MID1: variants seen among roughly 807,000 people sequenced by gnomAD.
The protein encoded by MID1 is E3 ubiquitin-protein ligase Midline-1.
In MID1, 7 loss-of-function variants were observed where a neutral mutation model predicts 40.4. The ratio of observed to expected loss-of-function variants is 0.17; its 90% CI spans 0.10 to 0.33. MID1 has a LOEUF of 0.33. Ranked by LOEUF, MID1 falls within the 10% of genes least tolerant of loss-of-function variation. The pLI, the probability that MID1 is intolerant of heterozygous loss-of-function variation, is 1.00. For missense variants in MID1, 367 were observed against 558.5 expected, an observed-to-expected ratio of 0.66 and a Z score of 3.46; for synonymous variants, 229 against 221.2, an observed-to-expected ratio of 1.04 and a Z score of -0.31.
At chrX:10,557,702 CA>C (rs35191558) in intron 2 of MID1, among the ~76,000 whole-genome samples, 1 of 112,114 alleles carries the variant, frequency 8.9e-6, no homozygotes, top group South Asian at 3.7e-4. Flanking sequence ...TATTGTGAAT[CA>C]AAAAGCCAGA....
In MID1 at chrX:10,755,722, A is replaced by T. The variant is rs772273294; in HGVS notation, c.-187+77832T>A. Reference sequence around the variant, plus strand: ...AACAATTTCCCCATGGACTCCTGGGAGCCTGTTGTGAGCACATCTCTTTAT... The same window carrying T: ...AACAATTTCCCCATGGACTCCTGGGTGCCTGTTGTGAGCACATCTCTTTAT... On this transcript the variant is annotated intron_variant, in intron 1 of 10. Transcript: ENST00000380785. 7.1e-5 allele frequency among the ~76,000 whole-genome samples: 8 copies of T among 112,090 alleles called. No individual in the cohort carries two copies. In the East Asian group the frequency reaches 2.2e-3, roughly 31 times the overall value.
chrX:10,738,201 C>T (rs1299598029), intron 1 of MID1, among the ~76,000 whole-genome samples: 2 of 112,337 alleles, frequency 1.8e-5, no homozygotes, highest in Non-Finnish European at 3.8e-5. Flanking sequence ...TTGTAAAAAA[C>T]ATTATGTTTT....
rs12852005 is a variant in MID1, at chrX:10,567,798, A to G, written c.-56-195T>C. Among the ~76,000 whole-genome samples, 25,375 of 110,394 alleles carry G rather than the reference A, an allele frequency of 0.23. 2,928 individuals are homozygous for G. Among genetic ancestry groups the G allele is most frequent in the Non-Finnish European group, 0.36 (18,857 of 52,720 alleles). ...CATCCTGAGCCATCATATACCAGTT[A>G]ACATTTTCTCAAAGTTCAGTAACTG... On this transcript the variant is annotated intron_variant, in intron 1 of 9. Transcript: ENST00000317552.
intron 2 of MID1, among the ~76,000 whole-genome samples, chrX:10,529,054 G>A (rs1340838879): frequency 1.8e-5 from 2 of 111,414 alleles, no homozygotes; most frequent in African/African-American, 6.5e-5. Context: ...ATGATTAGAG[G>A]AGGAGATACA....
At chrX:10,704,110 A>G (rs577135588) in intron 1 of MID1, among the ~76,000 whole-genome samples, 1 of 112,142 alleles carries the variant, frequency 8.9e-6, no homozygotes, top group African/African-American at 3.2e-5. Context: ...CATGTAAGTG[A>G]ATGTTTTAAA....
chrX:10,525,894 T>G (rs1007532119), intron 2 of MID1, among the ~76,000 whole-genome samples: 1 of 112,560 alleles, frequency 8.9e-6, no homozygotes, highest in Non-Finnish European at 1.9e-5. Context: ...CATTGCCCCA[T>G]GTCATCTCCA....
intron 2 of MID1, among the ~76,000 whole-genome samples, chrX:10,532,704 C>T (rs1368893014): frequency 9.0e-6 from 1 of 111,437 alleles, no homozygotes; most frequent in Non-Finnish European, 1.9e-5. Flanking sequence ...GGTTGGCAAA[C>T]TATGGTTGGT....
chrX:10,582,141 C>T (rs190880660), intron 1 of MID1, among the ~76,000 whole-genome samples: 2,913 of 111,493 alleles, frequency 0.026, 97 homozygotes, highest in African/African-American at 0.089. Context: ...CATGTTTGCA[C>T]ACTCAGGAGA....
rs1266043005 is a variant in MID1 at position 10,776,289 on chromosome X, G to T, written c.-187+57265C>A. On this transcript the variant is annotated intron_variant, in intron 1 of 10. Coordinates refer to the MID1 transcript ENST00000380785. ...AGTGGTTAATCTAAGGTCATTCTGAGCAAGTTAGTTACAGAATCCAGACAG... is the reference window on the plus strand; with the variant it reads ...AGTGGTTAATCTAAGGTCATTCTGATCAAGTTAGTTACAGAATCCAGACAG... 2.7e-5 allele frequency among the ~76,000 whole-genome samples: 3 copies of T among 111,944 alleles called. No individual in the cohort carries two copies. The Admixed American group carries it at 2.9e-4, about 11-fold the overall frequency.
intron 1 of MID1, among the ~76,000 whole-genome samples, chrX:10,827,586 G>A (rs921381597): frequency 2.8e-4 from 31 of 108,851 alleles, no homozygotes; most frequent in African/African-American, 9.1e-4. Flanking sequence ...CCCACCAAGC[G>A]CGCTGGTTCT....
At chrX:10,601,148 C>T (rs1384091512) in intron 1 of MID1, among the ~76,000 whole-genome samples, 1 of 112,432 alleles carries the variant, frequency 8.9e-6, no homozygotes, top group Non-Finnish European at 1.9e-5. Flanking sequence ...CTAGCTTAGC[C>T]TTTAGACATA....
chrX:10,480,983 T>A (rs771944017), intron 5 of MID1, among the ~76,000 whole-genome samples: 2 of 112,419 alleles, frequency 1.8e-5, no homozygotes, highest in East Asian at 5.6e-4. Context: ...GTTTCCTTTC[T>A]CTTTCTTTGA....
At chrX:10,713,057 G>A (rs753091959) in intron 1 of MID1, among the ~76,000 whole-genome samples, 12 of 110,533 alleles carry the variant, frequency 1.1e-4, no homozygotes, top group Admixed American at 3.9e-4. Flanking sequence ...GGCTGGTCTC[G>A]ATCTCCTGAC....
Position 10,449,205 on chromosome X carries a change from A to G in MID1, c.*163T>C, listed in dbSNP as rs1928172684. 6.7e-6 allele frequency: 3 copies of G among 445,268 alleles called. No homozygotes were observed. The highest frequency in any genetic ancestry group is 1.2e-5 in the Non-Finnish European group (3 of 254,966). The allele number at this position is 445,268 out of a possible 1,213,427, so 36.7% of individuals were successfully genotyped here. The stretch of plus-strand genomic sequence containing the variant: ...AAAGCCCGTACTTAATACAAGACAC[A>G]GTAAAAGGAGAGGAATCTCTTGTTT... On this transcript the variant is annotated 3_prime_UTR_variant, in exon 10 of 10. Coordinates refer to ENST00000317552, the MANE Select transcript of MID1 (RefSeq NM_000381.4).
intron 1 of MID1, among the ~76,000 whole-genome samples, chrX:10,656,245 TCTC>T (rs1050690288): frequency 1.8e-5 from 2 of 111,727 alleles, no homozygotes; most frequent in Non-Finnish European, 3.8e-5. Flanking sequence ...ATTCCAAGCT[TCTC>T]CTTCCAATCT....
intron 1 of MID1, among the ~76,000 whole-genome samples, chrX:10,757,116 T>C (rs978392257): frequency 2.7e-5 from 3 of 111,494 alleles, no homozygotes; most frequent in African/African-American, 6.5e-5. Context: ...AAACAGATTG[T>C]TGGGTTTGAC....
chrX:10,673,757 T>C (rs1223241566), intron 1 of MID1, among the ~76,000 whole-genome samples: 1 of 111,430 alleles, frequency 9.0e-6, no homozygotes, highest in Non-Finnish European at 1.9e-5. Context: ...TTGGGTTTGC[T>C]ACCTTAGTAG....
intron 1 of MID1, among the ~76,000 whole-genome samples, chrX:10,611,137 T>A (rs1602468573): frequency 8.9e-6 from 1 of 112,147 alleles, no homozygotes; most frequent in East Asian, 2.8e-4. Context: ...CCTCATTACA[T>A]TTGTTAATAA....
chrX:10,686,664 G>A (rs1456303459), intron 1 of MID1, among the ~76,000 whole-genome samples: 1 of 111,847 alleles, frequency 8.9e-6, no homozygotes, highest in Non-Finnish European at 1.9e-5. Context: ...GGAATTTGGG[G>A]TGAAGATACT....
Sources: gnomAD v4.1 joint callset for allele counts (sites outside exome capture counted in the v4.1 genomes callset) on GRCh38, gnomAD v4.1.1 for gene constraint, MANE v1.5 for transcripts, NCBI Gene and HGNC (gene_info 2026-07-23, HGNC 2026-07-21) for gene names.